The following AGBL4 variants were observed in gnomAD, a reference collection of about 807,000 sequenced individuals.
AGBL4 encodes cytosolic carboxypeptidase 6.
In AGBL4, 58 loss-of-function variants were observed where a neutral mutation model predicts 66.4. That is an observed-to-expected ratio of 0.87 (90% CI 0.71 to 1.09). The LOEUF (loss-of-function observed/expected upper bound fraction) is 1.09. Among genes scored for constraint, AGBL4 ranks in the 50% least tolerant of loss-of-function variants. The pLI, the probability that AGBL4 is intolerant of heterozygous loss-of-function variation, is 0.00. For missense variants in AGBL4, 579 were observed against 631.0 expected, an observed-to-expected ratio of 0.92 and a Z score of 0.88; for synonymous variants, 234 against 222.9, an observed-to-expected ratio of 1.05 and a Z score of -0.44.
intron 3 of AGBL4, among the ~76,000 whole-genome samples, chr1:49,587,791 T>C (rs1337223296): frequency 6.6e-6 from 1 of 152,142 alleles, no homozygotes; most frequent in Non-Finnish European, 1.5e-5. Flanking sequence ...CTGTCAGAGA[T>C]TCCTTCTGCT....
chr1:49,483,762 T>TA (rs912458269), intron 3 of AGBL4, among the ~76,000 whole-genome samples: 17 of 147,044 alleles, frequency 1.2e-4, no homozygotes, highest in Admixed American at 2.7e-4. Flanking sequence ...CCCATCATGT[T>TA]AAAAAAAAAA....
At chr1:48,934,435 G>GAT (rs1309918169) in intron 5 of AGBL4, among the ~76,000 whole-genome samples, 1 of 152,094 alleles carries the variant, frequency 6.6e-6, no homozygotes, top group East Asian at 1.9e-4. Flanking sequence ...AAATTGGGAG[G>GAT]ATATATTACA....
chr1:49,402,762 T>A (rs756266110), intron 3 of AGBL4, among the ~76,000 whole-genome samples: 1 of 152,182 alleles, frequency 6.6e-6, no homozygotes, highest in Non-Finnish European at 1.5e-5. Flanking sequence ...AGACAGAGTT[T>A]CTCCATGTTG....
At chr1:49,732,404 G>A (rs375657757) in intron 2 of AGBL4, among the ~76,000 whole-genome samples, 2 of 152,104 alleles carry the variant, frequency 1.3e-5, no homozygotes, top group African/African-American at 4.8e-5. Context: ...TAAAAGACAA[G>A]CAAAGAAACA....
chr1:49,450,126 T>G (rs1244153932), intron 3 of AGBL4, among the ~76,000 whole-genome samples: 1 of 152,104 alleles, frequency 6.6e-6, no homozygotes, highest in Non-Finnish European at 1.5e-5. Flanking sequence ...TGTTTCTTTA[T>G]CTTGGCTAGA....
chr1:49,667,847 G>C (rs1340472577), intron 3 of AGBL4, among the ~76,000 whole-genome samples: 1 of 152,184 alleles, frequency 6.6e-6, no homozygotes. Context: ...AAAGAACAGA[G>C]ACATGAAAGA....
At position 49,396,647 on chromosome 1, in the gene AGBL4, T is replaced by A. The variant is rs1389288096; in HGVS notation, c.283-150783A>T. On this transcript the variant is annotated intron_variant, in intron 3 of 13. Transcript: ENST00000371839. The stretch of plus-strand genomic sequence containing the variant: ...ACCATTTAAGTGTAAAAATAAGATA[T>A]AATACTGTGTGAAAAAAGCAGAATA... 2.0e-5 allele frequency among the ~76,000 whole-genome samples: 3 copies of A among 152,132 alleles called. 1 individual carries two copies. The highest frequency in any genetic ancestry group is 7.2e-5 in the African/African-American group (3 of 41,432).
chr1:49,336,089 G>A (rs1329407153), intron 3 of AGBL4, among the ~76,000 whole-genome samples: 1 of 152,092 alleles, frequency 6.6e-6, no homozygotes, highest in African/African-American at 2.4e-5. Flanking sequence ...TCTGCAGTCA[G>A]CAAGCTGGAG....
rs935339498 is a variant in AGBL4 at position 49,006,452 on chromosome 1, G to A, written c.594+39132C>T. Among the ~76,000 whole-genome samples the A allele has an allele frequency of 3.0e-4, 45 of 152,318 alleles. 1 individual carries two copies. Among genetic ancestry groups the A allele is most frequent in the African/African-American group, 1.0e-3 (43 of 41,590 alleles). On this transcript the variant is annotated intron_variant, in intron 5 of 13. Transcript: ENST00000371839. ...CAAGGCGGCAGCGAGGCTGGGGGAG[G>A]GGCGCCCGCCATTGCCCAGGCTTGC...
chr1:49,137,700 G>T (rs1646038959), intron 4 of AGBL4, among the ~76,000 whole-genome samples: 1 of 151,954 alleles, frequency 6.6e-6, no homozygotes, highest in Non-Finnish European at 1.5e-5. Context: ...TGTCATAATT[G>T]GGCATCTTCA....
chr1:49,848,947 T>C (rs1179187575), intron 2 of AGBL4, among the ~76,000 whole-genome samples: 1 of 152,184 alleles, frequency 6.6e-6, no homozygotes, highest in Non-Finnish European at 1.5e-5. Flanking sequence ...TCTATGTGAC[T>C]TTGTGTATGA....
chr1:49,814,510 A>C (rs1645184552), intron 2 of AGBL4, among the ~76,000 whole-genome samples: 1 of 152,054 alleles, frequency 6.6e-6, no homozygotes, highest in Non-Finnish European at 1.5e-5. Context: ...ACACTATATA[A>C]ATATTTGAGT....
At chr1:48,755,420 T>G (rs1302702425) in intron 6 of AGBL4, among the ~76,000 whole-genome samples, 8 of 152,172 alleles carry the variant, frequency 5.3e-5, no homozygotes, top group Non-Finnish European at 2.9e-5. Flanking sequence ...GCACCCAAGC[T>G]AGACAAAGGC....
intron 3 of AGBL4, among the ~76,000 whole-genome samples, chr1:49,689,835 C>T (rs570089461): frequency 5.3e-5 from 8 of 152,236 alleles, no homozygotes; most frequent in African/African-American, 1.9e-4. Context: ...TTGGCTACTG[C>T]AAATGGGGTT....
intron 9 of AGBL4, among the ~76,000 whole-genome samples, chr1:48,607,616 C>A (rs914125296): frequency 4.6e-5 from 7 of 151,974 alleles, no homozygotes; most frequent in African/African-American, 1.7e-4. Context: ...AAGACTCCAT[C>A]CCCCCACCCC....
intron 8 of AGBL4, among the ~76,000 whole-genome samples, chr1:48,642,871 C>T (rs927778367): frequency 6.6e-6 from 1 of 152,192 alleles, no homozygotes; most frequent in Non-Finnish European, 1.5e-5. Context: ...CTCTCACCTA[C>T]CTGCACCGAG....
At chr1:49,005,949 C>T (rs1448845454) in intron 5 of AGBL4, among the ~76,000 whole-genome samples, 3 of 151,828 alleles carry the variant, frequency 2.0e-5, no homozygotes, top group African/African-American at 4.8e-5. Flanking sequence ...TGCAGTGAGC[C>T]GAGACTGCAC....
chr1:48,559,585 G>A (rs898870299), intron 11 of AGBL4, among the ~76,000 whole-genome samples: 7 of 152,162 alleles, frequency 4.6e-5, no homozygotes, highest in African/African-American at 1.4e-4. Context: ...TAAGAGTACT[G>A]TATGTAAAGC....
intron 6 of AGBL4, among the ~76,000 whole-genome samples, chr1:48,866,368 C>T (rs1390832855): frequency 6.6e-6 from 1 of 152,182 alleles, no homozygotes; most frequent in East Asian, 1.9e-4. Context: ...CACACTAGCT[C>T]CTCCTCCAGA....
Sources: gnomAD v4.1 joint callset for allele counts (sites outside exome capture counted in the v4.1 genomes callset) on GRCh38, gnomAD v4.1.1 for gene constraint, MANE v1.5 for transcripts, NCBI Gene and HGNC (gene_info 2026-07-23, HGNC 2026-07-21) for gene names.